The following CREB5 variants were observed in gnomAD, a reference collection of about 807,000 sequenced individuals.
The protein encoded by CREB5 is cyclic AMP-responsive element-binding protein 5.
A neutral mutation model predicts 57.1 loss-of-function variants in CREB5; 19 were observed. The observed-to-expected ratio is 0.33, with a 90% CI of 0.23 to 0.49. CREB5 has a LOEUF of 0.49. Ranked by LOEUF, CREB5 falls within the 20% of genes least tolerant of loss-of-function variation. CREB5 has a pLI of 0.99. For missense variants in CREB5, 579 were observed against 671.6 expected, an observed-to-expected ratio of 0.86 and a Z score of 1.52; for synonymous variants, 238 against 238.3, an observed-to-expected ratio of 1.00 and a Z score of 0.01.
chr7:28,650,063 A>T (rs983358673), intron 5 of CREB5, among the ~76,000 whole-genome samples: 2 of 152,188 alleles, frequency 1.3e-5, no homozygotes, highest in African/African-American at 4.8e-5. Context: ...TCTGCCATTT[A>T]CATCTGTTGA....
chr7:28,452,680 A>G (rs548302129), intron 1 of CREB5, among the ~76,000 whole-genome samples: 1 of 152,304 alleles, frequency 6.6e-6, no homozygotes, highest in Non-Finnish European at 1.5e-5. Flanking sequence ...TGGGGCCTAA[A>G]GAGGGAAGCA....
intron 1 of CREB5, among the ~76,000 whole-genome samples, chr7:28,380,537 G>T (rs1425872782): frequency 1.3e-5 from 2 of 152,204 alleles, no homozygotes; most frequent in Non-Finnish European, 2.9e-5. Context: ...GAGGCACTTT[G>T]AGAAAAAGAA....
chr7:28,413,045 G>A, intron 1 of CREB5, 128 bp downstream of exon 1: 2 of 775,010 alleles, frequency 2.6e-6, no homozygotes, highest in Non-Finnish European at 3.8e-6. Context: ...AAATTTTAAT[G>A]TTGCTTTTGT....
Position 28,820,868 on chromosome 7 carries a change from G to A in CREB5, c.*1589G>A, listed in dbSNP as rs1327231287. 1 of 152,290 alleles carries A rather than the reference G, an allele frequency of 6.6e-6. No individual in the cohort carries two copies. The highest frequency in any genetic ancestry group is 1.5e-5 in the Non-Finnish European group (1 of 68,026). The allele number at this position is 152,290 out of a possible 1,614,324, so 9.4% of individuals were successfully genotyped here. ...CTACTTCTTCCTCCCAAAGTGTTGG[G>A]ATTATAGGTGTGAGCCACTGCACCC... On this transcript the variant is annotated 3_prime_UTR_variant, in exon 11 of 11. Coordinates refer to ENST00000357727, the MANE Select transcript of CREB5 (RefSeq NM_182898.4).
intron 4 of CREB5, among the ~76,000 whole-genome samples, chr7:28,545,900 T>A (rs1794400898): frequency 6.6e-6 from 1 of 152,252 alleles, no homozygotes; most frequent in Non-Finnish European, 1.5e-5. Context: ...AGATTTCTTT[T>A]TGTTGCACAC....
At chr7:28,348,757 G>T (rs1272649713) in intron 1 of CREB5, among the ~76,000 whole-genome samples, 2 of 152,186 alleles carry the variant, frequency 1.3e-5, no homozygotes, top group African/African-American at 4.8e-5. Flanking sequence ...ATTCAAGCCA[G>T]TCCAGGTACA....
At chr7:28,732,894 C>T (rs559097271) in intron 7 of CREB5, among the ~76,000 whole-genome samples, 7 of 144,922 alleles carry the variant, frequency 4.8e-5, no homozygotes, top group Non-Finnish European at 9.1e-5. Flanking sequence ...ATTTAAACTA[C>T]GAAGAGTATG....
rs1802013145 is a variant in CREB5, at chr7:28,704,531, T to C, written c.465-14222T>C. 3.9e-5 allele frequency among the ~76,000 whole-genome samples: 6 copies of C among 152,156 alleles called. No individual in the cohort carries two copies. In the South Asian group the frequency reaches 1.2e-3, roughly 32 times the overall value. On this transcript the variant is annotated intron_variant, in intron 5 of 10. Coordinates refer to ENST00000357727, the MANE Select transcript of CREB5 (RefSeq NM_182898.4). Reference sequence around the variant, plus strand: ...GTTTCTGCAGTGACACGATCATAGCTCACTGTGTCTTCAAACTCCTGGGCT... The same window carrying C: ...GTTTCTGCAGTGACACGATCATAGCCCACTGTGTCTTCAAACTCCTGGGCT...
At chr7:28,509,532 G>A (rs1453877882) in intron 4 of CREB5, among the ~76,000 whole-genome samples, 1 of 152,158 alleles carries the variant, frequency 6.6e-6, no homozygotes, top group Non-Finnish European at 1.5e-5. Flanking sequence ...CGAACATTGT[G>A]ACGAGCATAT....
intron 5 of CREB5, among the ~76,000 whole-genome samples, chr7:28,702,886 C>T (rs1022162089): frequency 9.2e-5 from 14 of 152,070 alleles, no homozygotes; most frequent in Non-Finnish European, 1.3e-4. Flanking sequence ...GAGCAGACGG[C>T]AAAACCTTCC....
At chr7:28,467,452 T>C (rs932157765) in intron 1 of CREB5, among the ~76,000 whole-genome samples, 2 of 152,182 alleles carry the variant, frequency 1.3e-5, no homozygotes, top group African/African-American at 4.8e-5. Context: ...TTCACAGGTT[T>C]CATTCCAATA....
chr7:28,680,768 CAA>C (rs539406574), intron 5 of CREB5, among the ~76,000 whole-genome samples: 501 of 134,114 alleles, frequency 3.7e-3, no homozygotes, highest in Middle Eastern at 7.9e-3. Flanking sequence ...CAACCTATCT[CAA>C]AAAAAAAAAA....
chr7:28,676,074 G>A (rs1017266999), intron 5 of CREB5, among the ~76,000 whole-genome samples: 14 of 152,092 alleles, frequency 9.2e-5, no homozygotes, highest in Non-Finnish European at 2.1e-4. Context: ...CTCTGAGTAA[G>A]GGGGTATAAA....
At chr7:28,410,280 C>T (rs750096149), upstream of CREB5, 4 of 456,272 alleles carry the variant, frequency 8.8e-6, no homozygotes, top group East Asian at 2.8e-4. Context: ...CCTGCCTCCG[C>T]TGCTTTCTTG....
intron 5 of CREB5, among the ~76,000 whole-genome samples, chr7:28,714,624 C>T (rs772220494): frequency 1.3e-5 from 2 of 152,196 alleles, no homozygotes; most frequent in Admixed American, 6.5e-5. Context: ...TCGCTTGCTG[C>T]GGTGCCTATC....
intron 7 of CREB5, among the ~76,000 whole-genome samples, chr7:28,765,831 C>T (rs901010403): frequency 1.3e-5 from 2 of 152,160 alleles, no homozygotes; most frequent in East Asian, 3.9e-4. Context: ...ATATGGGCCC[C>T]CACCATGCCT....
chr7:28,752,419 A>C (rs1258901690), intron 7 of CREB5, among the ~76,000 whole-genome samples: 1 of 152,168 alleles, frequency 6.6e-6, no homozygotes, highest in Non-Finnish European at 1.5e-5. Context: ...CACCTGCCTC[A>C]GCCTCCCATA....
At chr7:28,543,469 A>G (rs1794291496) in intron 4 of CREB5, among the ~76,000 whole-genome samples, 2 of 151,766 alleles carry the variant, frequency 1.3e-5, no homozygotes, top group Non-Finnish European at 2.9e-5. Context: ...AAAATACTTA[A>G]TTATATATCC....
intron 1 of CREB5, among the ~76,000 whole-genome samples, chr7:28,479,300 C>T (rs182375003): frequency 2.0e-5 from 3 of 152,316 alleles, no homozygotes; most frequent in South Asian, 4.1e-4. Context: ...TATCCCATAT[C>T]CCAGGCCCCT....
Sources: allele counts gnomAD v4.1 joint callset (sites outside exome capture counted in the v4.1 genomes callset), GRCh38; gene constraint gnomAD v4.1.1; transcripts MANE v1.5; gene names NCBI Gene and HGNC (gene_info 2026-07-23, HGNC 2026-07-21).